Variants in KCNQ5 observed in about 807,000 individuals in gnomAD.
KCNQ5 encodes the protein potassium voltage-gated channel subfamily Q member 5, also known as potassium voltage-gated channel subfamily KQT member 5.
In KCNQ5, 30 loss-of-function variants were observed where a neutral mutation model predicts 98.2. That is an observed-to-expected ratio of 0.31 (90% confidence interval 0.23 to 0.41). The LOEUF (loss-of-function observed/expected upper bound fraction) is 0.41, where lower values mean the gene tolerates loss of function less well. Among genes scored for constraint, KCNQ5 ranks in the 10% least tolerant of loss-of-function variants. The pLI, the probability that KCNQ5 is intolerant of heterozygous loss-of-function variation, is 1.00. For missense variants in KCNQ5, 835 were observed against 1,182.5 expected, an observed-to-expected ratio of 0.71 and a Z score of 4.31; for synonymous variants, 458 against 449.4, an observed-to-expected ratio of 1.02 and a Z score of -0.24.
At chr6:73,006,182 T>C (rs1769805144) in intron 2 of KCNQ5, among the ~76,000 whole-genome samples, 1 of 152,154 alleles carries the variant, frequency 6.6e-6, no homozygotes. Context: ...TAATGTCTCA[T>C]TTATTACCTT....
chr6:73,014,270 A>G (rs1358238063), intron 2 of KCNQ5, among the ~76,000 whole-genome samples: 2 of 152,090 alleles, frequency 1.3e-5, no homozygotes, highest in Non-Finnish European at 1.5e-5. Flanking sequence ...TTTAGATGAA[A>G]ATTGTCCATC....
At chr6:72,883,484 A>C (rs1778726183) in intron 1 of KCNQ5, among the ~76,000 whole-genome samples, 1 of 152,202 alleles carries the variant, frequency 6.6e-6, no homozygotes. Context: ...TTGGAAATTC[A>C]GAGCCAAAAA....
chr6:73,154,340 T>C (rs760296455), intron 10 of KCNQ5, among the ~76,000 whole-genome samples: 2 of 152,218 alleles, frequency 1.3e-5, no homozygotes, highest in African/African-American at 2.4e-5. Context: ...TACAATTTGT[T>C]GCTACAGTAC....
At chr6:73,018,219 C>G (rs999314310) in intron 2 of KCNQ5, among the ~76,000 whole-genome samples, 13 of 152,096 alleles carry the variant, frequency 8.5e-5, no homozygotes, top group African/African-American at 3.1e-4. Flanking sequence ...GTCAGTTAGC[C>G]CATCTGTTTC....
intron 1 of KCNQ5, among the ~76,000 whole-genome samples, chr6:72,969,428 C>T (rs899977456): frequency 2.0e-5 from 3 of 152,132 alleles, no homozygotes; most frequent in Non-Finnish European, 4.4e-5. Context: ...ACAATAATGG[C>T]AATTTCATAT....
At chr6:72,890,718 TAACTA>T (rs1357846359) in intron 1 of KCNQ5, among the ~76,000 whole-genome samples, 1 of 152,222 alleles carries the variant, frequency 6.6e-6, no homozygotes, top group African/African-American at 2.4e-5. Flanking sequence ...CTTTGTGTCT[TAACTA>T]AAAGTAAAGT....
intron 1 of KCNQ5, among the ~76,000 whole-genome samples, chr6:72,860,473 T>C (rs1016249037): frequency 4.5e-4 from 69 of 152,232 alleles, no homozygotes; most frequent in Non-Finnish European, 8.8e-5. Context: ...GGCTTCAGTT[T>C]CCTCATCTGT....
At chr6:73,161,693 A>G (rs996748433) in intron 10 of KCNQ5, among the ~76,000 whole-genome samples, 4 of 152,190 alleles carry the variant, frequency 2.6e-5, no homozygotes, top group Admixed American at 2.0e-4. Flanking sequence ...ACTAGAAACT[A>G]CCTGTCCTTC....
chr6:72,929,868 T>C (rs1167293188), intron 1 of KCNQ5, among the ~76,000 whole-genome samples: 1 of 152,126 alleles, frequency 6.6e-6, no homozygotes, highest in Admixed American at 6.6e-5. Context: ...TTAAACACAG[T>C]CTTATGACAG....
At position 72,990,685 on chromosome 6, in the gene KCNQ5, C is replaced by T. The variant is rs937248363; in HGVS notation, c.399-13223C>T. Among the ~76,000 whole-genome samples the T allele has an allele frequency of 6.9e-5, 8 of 116,432 alleles. No individual in the cohort carries two copies. In the Admixed American group the frequency reaches 6.9e-4, roughly 10 times the overall value. 76.4% of individuals were successfully genotyped at this position (116,432 alleles called of 152,430 possible). ...GCCTGATTGCCCTGGCCAGAACTTC[C>T]AACACTATGTTGAATAGGAGCGGTG... On this transcript the variant is annotated intron_variant, in intron 1 of 13. Coordinates refer to ENST00000370398, the MANE Select transcript of KCNQ5 (RefSeq NM_019842.4).
intron 1 of KCNQ5, among the ~76,000 whole-genome samples, chr6:72,759,856 A>G (rs1772167321): frequency 6.6e-6 from 1 of 152,142 alleles, no homozygotes; most frequent in African/African-American, 2.4e-5. Context: ...TCACATACAC[A>G]TGCATGCACA....
intron 1 of KCNQ5, among the ~76,000 whole-genome samples, chr6:72,649,398 C>A (rs1329888263): frequency 6.6e-6 from 1 of 152,110 alleles, no homozygotes; most frequent in Non-Finnish European, 1.5e-5. Context: ...CGTGTATAGG[C>A]ACATTACCTT....
At chr6:72,726,304 G>A (rs975183948) in intron 1 of KCNQ5, among the ~76,000 whole-genome samples, 1 of 150,472 alleles carries the variant, frequency 6.6e-6, no homozygotes, top group African/African-American at 2.4e-5. Flanking sequence ...TCCACCTCCC[G>A]GGTTCAAGAA....
chr6:73,095,052 C>T lies in KCNQ5; in HGVS notation c.919-10205C>T, dbSNP rs186338703. Among the ~76,000 whole-genome samples the T allele has an allele frequency of 1.7e-3, 261 of 152,290 alleles. 1 individual carries two copies. Among genetic ancestry groups the T allele is most frequent in the African/African-American group, 5.7e-3 (239 of 41,568 alleles). ...TTAGATTTCTCTTCTTCCTCAAGAA[C>T]ACTGATTATTCTTAGCTTTGGTCAT... is the stretch of plus-strand genomic sequence containing the variant. On this transcript the variant is annotated intron_variant, in intron 5 of 13. Coordinates refer to ENST00000370398, the MANE Select transcript of KCNQ5 (RefSeq NM_019842.4).
intron 10 of KCNQ5, among the ~76,000 whole-genome samples, chr6:73,162,149 A>T (rs1777637659): frequency 6.6e-6 from 1 of 150,578 alleles, no homozygotes; most frequent in Non-Finnish European, 1.5e-5. Flanking sequence ...CTAGTCTCGA[A>T]CTCCTGATCT....
intron 1 of KCNQ5, among the ~76,000 whole-genome samples, chr6:72,655,945 G>C (rs1766170457): frequency 1.3e-5 from 2 of 152,116 alleles, no homozygotes; most frequent in Non-Finnish European, 2.9e-5. Flanking sequence ...ATCTATATAT[G>C]GGTCTTCCAA....
chr6:72,907,714 G>C (rs965502984), intron 1 of KCNQ5, among the ~76,000 whole-genome samples: 1 of 152,044 alleles, frequency 6.6e-6, no homozygotes, highest in Non-Finnish European at 1.5e-5. Context: ...TTTATGACAA[G>C]TCAGTATAAA....
chr6:72,823,147 A>C (rs867523577), intron 1 of KCNQ5, among the ~76,000 whole-genome samples: 2 of 152,082 alleles, frequency 1.3e-5, no homozygotes, highest in Non-Finnish European at 2.9e-5. Context: ...CCCAACCCCC[A>C]CTTAATTGTA....
At chr6:72,987,201 G>A (rs941254774) in intron 1 of KCNQ5, 8 of 687,346 alleles carry the variant, frequency 1.2e-5, no homozygotes, top group African/African-American at 8.8e-5. Flanking sequence ...TGAGGAGCCG[G>A]CTCTGAAAAG....
Sources: allele counts gnomAD v4.1 joint callset (sites outside exome capture counted in the v4.1 genomes callset), GRCh38; gene constraint gnomAD v4.1.1; transcripts MANE v1.5; gene names NCBI Gene and HGNC (gene_info 2026-07-23, HGNC 2026-07-21).